ARHGAP26: variants seen among roughly 807,000 people sequenced by gnomAD.
ARHGAP26 encodes the protein rho GTPase-activating protein 26.
A neutral mutation model predicts 104.8 loss-of-function variants in ARHGAP26; 38 were observed. The observed-to-expected ratio is 0.36, with a 90% CI of 0.28 to 0.48. ARHGAP26 has a LOEUF of 0.48. Ranked by LOEUF, ARHGAP26 falls within the 20% of genes least tolerant of loss-of-function variation. The pLI is 0.99. For missense variants in ARHGAP26, 704 were observed against 947.9 expected, an observed-to-expected ratio of 0.74 and a Z score of 3.38; for synonymous variants, 341 against 340.0, an observed-to-expected ratio of 1.00 and a Z score of -0.03.
At chr5:143,203,708 G>A (rs1354130460) in intron 20 of ARHGAP26, 1 of 152,226 alleles carries the variant, frequency 6.6e-6, no homozygotes, top group Non-Finnish European at 1.5e-5. Context: ...TAAAGAAAAT[G>A]TGGCACATAT....
intron 17 of ARHGAP26, among the ~76,000 whole-genome samples, chr5:143,075,548 A>T (rs1041380163): frequency 1.3e-5 from 2 of 152,268 alleles, no homozygotes; most frequent in Non-Finnish European, 2.9e-5. Flanking sequence ...AGATTTCCTG[A>T]ATTATAATGG....
At chr5:143,102,404 A>G (rs1793377159) in intron 17 of ARHGAP26, among the ~76,000 whole-genome samples, 1 of 152,192 alleles carries the variant, frequency 6.6e-6, no homozygotes, top group Admixed American at 6.5e-5. Context: ...GGCCCCAAAC[A>G]TGCAGAAAAG....
intron 1 of ARHGAP26, among the ~76,000 whole-genome samples, chr5:142,771,777 GT>G (rs1422454276): frequency 1.3e-4 from 20 of 152,242 alleles, no homozygotes; most frequent in African/African-American, 3.6e-4. Context: ...CCATTTTTGC[GT>G]TTTTTCCTTT....
At chr5:142,963,181 T>TATATAC (rs1554172164) in intron 11 of ARHGAP26, among the ~76,000 whole-genome samples, 3,905 of 111,376 alleles carry the variant, frequency 0.035, 161 homozygotes, top group East Asian at 0.18. Context: ...TGTATATATA[T>TATATAC]ATATATATAT....
intron 13 of ARHGAP26, 99 bp downstream of exon 13, chr5:143,037,360 A>G (rs1782818705): frequency 1.0e-6 from 1 of 960,718 alleles, no homozygotes. Flanking sequence ...TAAGTGACTC[A>G]TTAGCTCCCC....
intron 20 of ARHGAP26, among the ~76,000 whole-genome samples, chr5:143,184,901 G>A (rs1350411804): frequency 6.6e-6 from 1 of 152,186 alleles, no homozygotes. Context: ...GGCAATACGT[G>A]TTGTAAGCCT....
chr5:142,812,689 A>G (rs759359694), intron 1 of ARHGAP26, among the ~76,000 whole-genome samples: 6 of 152,024 alleles, frequency 3.9e-5, no homozygotes, highest in Non-Finnish European at 8.8e-5. Flanking sequence ...GGCACATGCT[A>G]TCATGTCCAG....
chr5:143,120,205 T>C (rs1220538781), intron 17 of ARHGAP26, among the ~76,000 whole-genome samples: 2 of 152,252 alleles, frequency 1.3e-5, no homozygotes, highest in Non-Finnish European at 2.9e-5. Context: ...AATCGAGTTT[T>C]ATAGCTAGGT....
At chr5:142,832,329 T>G (rs1454828461) in intron 1 of ARHGAP26, among the ~76,000 whole-genome samples, 1 of 152,170 alleles carries the variant, frequency 6.6e-6, no homozygotes, top group Non-Finnish European at 1.5e-5. Flanking sequence ...GGTGAGGCCC[T>G]GATATGATAG....
rs1024539209 is a variant in ARHGAP26 at position 143,226,772 on chromosome 5, C to T, written c.*4326C>T. 4 of 219,506 alleles carry T rather than the reference C, an allele frequency of 1.8e-5. No individual in the cohort carries two copies. The highest frequency in any genetic ancestry group is 1.4e-3 in the Middle Eastern group (1 of 708). The allele number at this position is 219,506 out of a possible 1,614,324, so 13.6% of individuals were successfully genotyped here. A position where few individuals can be genotyped will look rare whatever the true frequency, so the allele number is the denominator to read the frequency against. Reference sequence around the variant, plus strand: ...TGAATATCAGTTCATTTCCTCTCACCGAGTGCTTTTCGGTGAGAGGCAAAG... The same window carrying T: ...TGAATATCAGTTCATTTCCTCTCACTGAGTGCTTTTCGGTGAGAGGCAAAG... On this transcript the variant is annotated 3_prime_UTR_variant, in exon 23 of 23. Transcript: ENST00000645722.
intron 20 of ARHGAP26, among the ~76,000 whole-genome samples, chr5:143,160,879 C>T (rs912204364): frequency 1.3e-5 from 2 of 152,162 alleles, no homozygotes; most frequent in Admixed American, 1.3e-4. Flanking sequence ...TCGCCCAGGG[C>T]TCTGTGTCAG....
intron 11 of ARHGAP26, among the ~76,000 whole-genome samples, chr5:142,990,542 AT>A (rs1346283996): frequency 2.6e-5 from 4 of 152,112 alleles, no homozygotes; most frequent in African/African-American, 9.7e-5. Context: ...AGATGCTCTG[AT>A]TTTTAGAATT....
intron 11 of ARHGAP26, among the ~76,000 whole-genome samples, chr5:142,949,206 A>AGGGGAGAG (rs1384997365): frequency 1.9e-5 from 1 of 53,174 alleles, no homozygotes; most frequent in Non-Finnish European, 3.0e-5. Flanking sequence ...AGAGAGAGAG[A>AGGGGAGAG]GAGAGAGAGA....
At chr5:142,884,841 G>T (rs6580260) in intron 4 of ARHGAP26, among the ~76,000 whole-genome samples, 24,616 of 152,086 alleles carry the variant, frequency 0.16, 4,035 homozygotes, top group East Asian at 0.41. Context: ...AAGTGTTTTT[G>T]GGACAGTATT....
intron 17 of ARHGAP26, among the ~76,000 whole-genome samples, chr5:143,093,492 TTCTATC>T (rs763833191): frequency 1.9e-4 from 28 of 149,844 alleles, no homozygotes; most frequent in Non-Finnish European, 3.7e-4. Flanking sequence ...TCTTTACTAT[TTCTATC>T]TCTCTCTCTT....
intron 5 of ARHGAP26, among the ~76,000 whole-genome samples, chr5:142,887,349 C>G (rs1163796709): frequency 3.3e-5 from 5 of 152,214 alleles, no homozygotes; most frequent in Non-Finnish European, 5.9e-5. Context: ...ATTCTCTAAG[C>G]TTTATTTCCT....
At chr5:142,957,808 C>T (rs1769506181) in intron 11 of ARHGAP26, among the ~76,000 whole-genome samples, 1 of 152,254 alleles carries the variant, frequency 6.6e-6, no homozygotes, top group South Asian at 2.1e-4. Context: ...CCTATCAAAA[C>T]ACTGCAAACA....
At chr5:142,843,231 G>A (rs1771165925) in intron 1 of ARHGAP26, among the ~76,000 whole-genome samples, 1 of 152,184 alleles carries the variant, frequency 6.6e-6, no homozygotes, top group Non-Finnish European at 1.5e-5. Context: ...ATGCTCCCAA[G>A]TCTCTCTGGC....
intron 19 of ARHGAP26, among the ~76,000 whole-genome samples, chr5:143,138,809 A>G (rs1374674774): frequency 1.3e-5 from 2 of 152,224 alleles, no homozygotes; most frequent in African/African-American, 4.8e-5. Context: ...TTAAAATTAT[A>G]TGACACAGGT....
Sources: allele counts gnomAD v4.1 joint callset (sites outside exome capture counted in the v4.1 genomes callset), GRCh38; gene constraint gnomAD v4.1.1; transcripts MANE v1.5; gene names NCBI Gene and HGNC (gene_info 2026-07-23, HGNC 2026-07-21).